CNTNAP2: variants seen among roughly 807,000 people sequenced by gnomAD.
The protein encoded by CNTNAP2 is contactin-associated protein-like 2.
In CNTNAP2, 98 loss-of-function variants were observed where a neutral mutation model predicts 155.2. The ratio of observed to expected loss-of-function variants is 0.63; its 90% CI spans 0.54 to 0.75. CNTNAP2 has a LOEUF of 0.75. Among genes scored for constraint, CNTNAP2 ranks in the 30% least tolerant of loss-of-function variants. The pLI is 0.00. For missense variants in CNTNAP2, 1,727 were observed against 1,688.1 expected, an observed-to-expected ratio of 1.02 and a Z score of -0.40; for synonymous variants, 651 against 631.2, an observed-to-expected ratio of 1.03 and a Z score of -0.47.
In CNTNAP2 at chr7:147,117,414, C is replaced by T. The variant is rs550239120; in HGVS notation, c.755-3565C>T. 3.1e-4 allele frequency among the ~76,000 whole-genome samples: 47 copies of T among 152,214 alleles called. 1 individual carries two copies. The highest frequency in any genetic ancestry group is 7.2e-4 in the Admixed American group (11 of 15,292). On this transcript the variant is annotated intron_variant, in intron 5 of 23. Transcript: ENST00000361727. The stretch of plus-strand genomic sequence containing the variant: ...GTTGGGGGTTCCCTTGGCTCCACGT[C>T]GCTCCTGGGTAGGCTGTAGCCCCAT...
chr7:146,203,432 G>C (rs1798898239), intron 1 of CNTNAP2, among the ~76,000 whole-genome samples: 1 of 152,152 alleles, frequency 6.6e-6, no homozygotes. Context: ...AGTTACAATG[G>C]ATATTGGTGA....
intron 15 of CNTNAP2, among the ~76,000 whole-genome samples, chr7:148,116,198 G>C (rs1461857587): frequency 6.6e-6 from 1 of 151,612 alleles, no homozygotes; most frequent in African/African-American, 2.4e-5. Context: ...ATTAAGAACA[G>C]TTTTTACCCT....
At chr7:147,981,534 GC>G (rs1340864647) in intron 15 of CNTNAP2, among the ~76,000 whole-genome samples, 2 of 152,180 alleles carry the variant, frequency 1.3e-5, no homozygotes, top group African/African-American at 4.8e-5. Flanking sequence ...AGTGATGACA[GC>G]CCTCAGAACC....
At chr7:147,525,117 A>C (rs181291949) in intron 11 of CNTNAP2, among the ~76,000 whole-genome samples, 22 of 152,350 alleles carry the variant, frequency 1.4e-4, no homozygotes, top group Admixed American at 1.4e-3. Flanking sequence ...TCAAGAGACA[A>C]TCTAGCCTTA....
intron 1 of CNTNAP2, among the ~76,000 whole-genome samples, chr7:146,173,360 A>C (rs1439864300): frequency 1.3e-5 from 2 of 152,160 alleles, no homozygotes; most frequent in Non-Finnish European, 2.9e-5. Flanking sequence ...TGTTTTTAAT[A>C]ATTGAATTTT....
intron 21 of CNTNAP2, among the ~76,000 whole-genome samples, chr7:148,352,577 C>T (rs1006876356): frequency 6.6e-6 from 1 of 152,172 alleles, no homozygotes; most frequent in African/African-American, 2.4e-5. Context: ...ATATAGAAAG[C>T]ACATGAAAGT....
intron 3 of CNTNAP2, among the ~76,000 whole-genome samples, chr7:146,931,814 C>A (rs1175563136): frequency 6.6e-6 from 1 of 151,614 alleles, no homozygotes; most frequent in African/African-American, 2.4e-5. Flanking sequence ...AACACCTCTA[C>A]GCAAATAAAC....
chr7:146,321,555 G>A (rs1801001520), intron 1 of CNTNAP2, among the ~76,000 whole-genome samples: 1 of 152,130 alleles, frequency 6.6e-6, no homozygotes, highest in African/African-American at 2.4e-5. Flanking sequence ...CAGACCCCTT[G>A]GATTGAGAAT....
chr7:148,420,301 T>C lies in CNTNAP2; in HGVS notation c.*4685T>C, dbSNP rs985328001. 1 of 152,246 alleles carries C rather than the reference T, an allele frequency of 6.6e-6. No individual in the cohort carries two copies. Among genetic ancestry groups the C allele is most frequent in the Admixed American group, 6.5e-5 (1 of 15,286 alleles). The allele number at this position is 152,246 out of a possible 1,614,324, so 9.4% of individuals were successfully genotyped here. On this transcript the variant is annotated 3_prime_UTR_variant, in exon 24 of 24. Coordinates refer to ENST00000361727, the MANE Select transcript of CNTNAP2 (RefSeq NM_014141.6). ...ACAAAATACAAACGTGACGTGTTCA[T>C]GTAGCCTAGTGGCTATATGCCTATT...
At chr7:147,897,414 G>A (rs1799795088) in intron 13 of CNTNAP2, among the ~76,000 whole-genome samples, 1 of 152,116 alleles carries the variant, frequency 6.6e-6, no homozygotes, top group African/African-American at 2.4e-5. Context: ...TTTTACAGGT[G>A]CCCGATTTGT....
At chr7:146,944,680 C>A (rs2129226405) in intron 3 of CNTNAP2, among the ~76,000 whole-genome samples, 1 of 152,094 alleles carries the variant, frequency 6.6e-6, no homozygotes. Context: ...AGATGGAGAC[C>A]ATCCTGGCTA....
intron 8 of CNTNAP2, among the ~76,000 whole-genome samples, chr7:147,298,394 A>T (rs182785708): frequency 6.6e-6 from 1 of 152,246 alleles, no homozygotes; most frequent in Admixed American, 6.5e-5. Context: ...ATTGCACTCC[A>T]GCCTAGGAAA....
intron 15 of CNTNAP2, among the ~76,000 whole-genome samples, chr7:147,992,587 C>G (rs953275919): frequency 2.6e-5 from 4 of 152,180 alleles, no homozygotes; most frequent in African/African-American, 9.7e-5. Flanking sequence ...CATAGTTTCT[C>G]ATTAAGTCCA....
chr7:147,732,727 T>C (rs570706645), intron 13 of CNTNAP2, among the ~76,000 whole-genome samples: 67 of 152,326 alleles, frequency 4.4e-4, no homozygotes, highest in African/African-American at 1.4e-3. Context: ...ATGACCACCA[T>C]TCTAACTGGT....
At chr7:147,468,445 A>T (rs558230313) in intron 10 of CNTNAP2, among the ~76,000 whole-genome samples, 1 of 152,290 alleles carries the variant, frequency 6.6e-6, no homozygotes, top group African/African-American at 2.4e-5. Flanking sequence ...TTGCTTTTCT[A>T]AGTGTTGTAT....
At chr7:148,391,739 G>A (rs537977304) in intron 22 of CNTNAP2, among the ~76,000 whole-genome samples, 2 of 152,236 alleles carry the variant, frequency 1.3e-5, no homozygotes, top group South Asian at 2.1e-4. Flanking sequence ...GGAATGAAAA[G>A]GATTTGCCAG....
intron 9 of CNTNAP2, among the ~76,000 whole-genome samples, chr7:147,325,651 A>G (rs937263572): frequency 2.0e-5 from 3 of 152,248 alleles, no homozygotes; most frequent in African/African-American, 7.2e-5. Flanking sequence ...AATAGTGGGA[A>G]AAAATATGTT....
intron 1 of CNTNAP2, among the ~76,000 whole-genome samples, chr7:146,179,582 T>C (rs1014763595): frequency 2.0e-5 from 3 of 152,138 alleles, no homozygotes; most frequent in Admixed American, 6.6e-5. Context: ...TTATTAAATA[T>C]TGGGAACCTG....
At chr7:148,389,037 G>A (rs1029614140) in intron 22 of CNTNAP2, among the ~76,000 whole-genome samples, 39 of 152,166 alleles carry the variant, frequency 2.6e-4, no homozygotes, top group African/African-American at 9.2e-4. Context: ...CCAGCTGCGT[G>A]CTGGGAGAAC....
Sources: allele counts gnomAD v4.1 joint callset (sites outside exome capture counted in the v4.1 genomes callset), GRCh38; gene constraint gnomAD v4.1.1; transcripts MANE v1.5; gene names NCBI Gene and HGNC (gene_info 2026-07-23, HGNC 2026-07-21).